The following KANK1 variants were observed in gnomAD, a reference collection of about 807,000 sequenced individuals.
The protein encoded by KANK1 is KN motif and ankyrin repeat domains 1.
A neutral mutation model predicts 106.2 loss-of-function variants in KANK1; 109 were observed. That is an observed-to-expected ratio of 1.03 (90% CI 0.88 to 1.20). The LOEUF (loss-of-function observed/expected upper bound fraction) is 1.20. Ranked by LOEUF, KANK1 falls within the 50% of genes most tolerant of loss-of-function variation. The pLI is 0.00. For synonymous variants in KANK1, 873 were observed against 652.2 expected (o/e 1.34, Z -5.16); for missense variants, 2,399 against 1,710.7 (o/e 1.40, Z -7.10).
At chr9:707,165 G>C (rs544532836) in intron 2 of KANK1, 1 of 985,520 alleles carries the variant, frequency 1.0e-6, no homozygotes, top group South Asian at 4.7e-5. Context: ...AGGATCGAGG[G>C]CGCCCGAGGC....
intron 3 of KANK1, chr9:478,292 C>G (rs1265091102): frequency 1.3e-5 from 2 of 152,972 alleles, no homozygotes; most frequent in Non-Finnish European, 2.9e-5. Context: ...GGGCGCCAGC[C>G]TCCTGACATC....
chr9:734,956 C>T (rs1833374192), intron 7 of KANK1, 121 bp downstream of exon 7: 1 of 706,436 alleles, frequency 1.4e-6, no homozygotes, highest in Non-Finnish European at 2.5e-6. Flanking sequence ...GAACTGTTTC[C>T]AGCATGAGTG....
intron 11 of KANK1, 74 bp downstream of exon 11, chr9:744,663 T>C: frequency 6.2e-7 from 1 of 1,612,676 alleles, no homozygotes; most frequent in Non-Finnish European, 8.5e-7. Flanking sequence ...CCTCCAGGAA[T>C]TGACGGGAGA....
chr9:672,150 G>A (rs1001704745), intron 1 of KANK1, among the ~76,000 whole-genome samples: 1 of 152,164 alleles, frequency 6.6e-6, no homozygotes, highest in African/African-American at 2.4e-5. Context: ...GAGCCCTAGG[G>A]CTGAATTGCT....
chr9:553,115 C>T (rs1388552127), intron 1 of KANK1, among the ~76,000 whole-genome samples: 4 of 152,222 alleles, frequency 2.6e-5, no homozygotes, highest in South Asian at 2.1e-4. Flanking sequence ...TACTGCACTC[C>T]AGCCTGGGTG....
Position 712,271 on chromosome 9 carries a change from A to G in KANK1, c.1505A>G (p.Asp502Gly). 1 of 1,614,214 alleles carries G rather than the reference A, an allele frequency of 6.2e-7. No individual in the cohort carries two copies. The highest frequency in any genetic ancestry group is 8.5e-7 in the Non-Finnish European group (1 of 1,180,028). The change falls in exon 3 of 12, where the codon GAC becomes GGC. Residue 502 changes from aspartate (D) to glycine (G), a missense_variant. Asp to Gly is a moderately conservative substitution (Grantham distance 94). Coordinates refer to ENST00000382297, the MANE Select transcript of KANK1 (RefSeq NM_015158.5). ...LQAAGSRKKV[D>G]KATMAQPLVF... ...GCTGCTGGATCGAGGAAAAAGGTTG[A>G]CAAAGCCACGATGGCCCAGCCGCTT... is the stretch of plus-strand genomic sequence containing the variant.
In KANK1 at chr9:567,994, G is replaced by GT. The variant is rs60885769; in HGVS notation, c.-84+63251dup. Among the ~76,000 whole-genome samples the GT allele has an allele frequency of 8.8e-3, 1,294 of 147,104 alleles. 25 individuals carry two copies. The highest frequency in any genetic ancestry group is 0.029 in the African/African-American group (1,185 of 40,458). ...CAAAGTTCAACGCTTGGCATTGTTG[G>GT]TTTTTTTTTTTCTTTGTGCCCATAT... On this transcript the variant is annotated intron_variant, in intron 1 of 11. Coordinates refer to ENST00000382297, the MANE Select transcript of KANK1 (RefSeq NM_015158.5).
chr9:569,859 A>G (rs1156774573), intron 1 of KANK1, among the ~76,000 whole-genome samples: 1 of 151,300 alleles, frequency 6.6e-6, no homozygotes, highest in Non-Finnish European at 1.5e-5. Flanking sequence ...TATGTAGTTC[A>G]CTTATGTTAA....
At chr9:574,737 C>T (rs1820101308) in intron 1 of KANK1, among the ~76,000 whole-genome samples, 1 of 151,644 alleles carries the variant, frequency 6.6e-6, no homozygotes, top group Non-Finnish European at 1.5e-5. Context: ...TGCCTGTGGT[C>T]CCAGCTACTT....
At chr9:678,042 C>G (rs1432316045) in intron 2 of KANK1, among the ~76,000 whole-genome samples, 1 of 152,180 alleles carries the variant, frequency 6.6e-6, no homozygotes. Flanking sequence ...AGTGGGCATT[C>G]CCAGCCCATG....
intron 1 of KANK1, among the ~76,000 whole-genome samples, chr9:571,947 A>G (rs1819283920): frequency 6.6e-6 from 1 of 152,136 alleles, no homozygotes; most frequent in Non-Finnish European, 1.5e-5. Flanking sequence ...TAGTATTCCC[A>G]GGTTACTTGT....
intron 1 of KANK1, among the ~76,000 whole-genome samples, chr9:564,206 C>T (rs1269729957): frequency 6.6e-6 from 1 of 151,952 alleles, no homozygotes; most frequent in Admixed American, 6.6e-5. Context: ...ATTACAGACG[C>T]CCGCCACCAC....
At chr9:683,457 A>G (rs764529828) in intron 2 of KANK1, among the ~76,000 whole-genome samples, 2 of 152,204 alleles carry the variant, frequency 1.3e-5, no homozygotes, top group African/African-American at 2.4e-5. Flanking sequence ...CCTTCCTTCC[A>G]TACTCTCAGA....
chr9:580,719 C>CCGCACCGGGGCCG (rs1258747093), intron 1 of KANK1, among the ~76,000 whole-genome samples: 4 of 152,246 alleles, frequency 2.6e-5, no homozygotes, highest in Non-Finnish European at 2.9e-5. Context: ...CTAGTGGATC[C>CCGCACCGGGGCCG]CGCACTGGGG....
intron 1 of KANK1, among the ~76,000 whole-genome samples, chr9:666,478 T>C (rs930641760): frequency 2.6e-5 from 4 of 152,168 alleles, no homozygotes; most frequent in African/African-American, 4.8e-5. Context: ...TTCCGCTTTA[T>C]GTTGAATGAA....
chr9:539,931 C>G (rs549246311), intron 1 of KANK1, among the ~76,000 whole-genome samples: 5 of 152,236 alleles, frequency 3.3e-5, no homozygotes, highest in African/African-American at 1.2e-4. Flanking sequence ...TTCTAACAAT[C>G]TTTTGGTGAA....
intron 2 of KANK1, among the ~76,000 whole-genome samples, chr9:692,625 C>G (rs1217116439): frequency 6.6e-6 from 1 of 151,218 alleles, no homozygotes; most frequent in Non-Finnish European, 1.5e-5. Context: ...TATCCACAAT[C>G]CAGTTTTAGA....
At chr9:552,105 C>T (rs73371044) in intron 1 of KANK1, among the ~76,000 whole-genome samples, 5,180 of 152,136 alleles carry the variant, frequency 0.034, 288 homozygotes, top group African/African-American at 0.12. Flanking sequence ...CTAGCCTAGG[C>T]AAGTACGGCA....
At chr9:568,912 T>G (rs541862584) in intron 1 of KANK1, among the ~76,000 whole-genome samples, 2 of 152,352 alleles carry the variant, frequency 1.3e-5, no homozygotes, top group African/African-American at 4.8e-5. Context: ...CAAATTTATA[T>G]CTTTTAAAAA....
Sources: allele counts gnomAD v4.1 joint callset (sites outside exome capture counted in the v4.1 genomes callset), GRCh38; gene constraint gnomAD v4.1.1; transcripts MANE v1.5; gene names NCBI Gene and HGNC (gene_info 2026-07-23, HGNC 2026-07-21).